The following HNF4A variants were observed in gnomAD, a reference collection of about 807,000 sequenced individuals.
HNF4A encodes the protein hepatocyte nuclear factor 4-alpha.
A neutral mutation model predicts 52.4 loss-of-function variants in HNF4A; 15 were observed. The observed-to-expected ratio is 0.29, with a 90% CI of 0.19 to 0.44. HNF4A has a LOEUF of 0.44. Among genes scored for constraint, HNF4A ranks in the 20% least tolerant of loss-of-function variants. The pLI is 1.00. For missense variants in HNF4A, 479 were observed against 647.2 expected (o/e 0.74, Z 2.82); for synonymous variants, 280 against 264.4 (o/e 1.06, Z -0.57).
At position 44,429,765 on chromosome 20, in the gene HNF4A, A is replaced by G. The variant is rs2063856694; in HGVS notation, c.*100A>G. On this transcript the variant is annotated 3_prime_UTR_variant, in exon 10 of 10. Transcript: ENST00000316099. Reference sequence around the variant, plus strand: ...CGGCAAAGGAAGACGTGATGCCAGGACCAGTCCCAGAGCAGGAATGGGAAG... The same window carrying G: ...CGGCAAAGGAAGACGTGATGCCAGGGCCAGTCCCAGAGCAGGAATGGGAAG... 1 of 1,258,862 alleles carries G rather than the reference A, an allele frequency of 7.9e-7. No homozygotes were observed. Among genetic ancestry groups the G allele is most frequent in the South Asian group, 1.2e-5 (1 of 80,652 alleles). 78.0% of individuals were successfully genotyped at this position (1,258,862 alleles called of 1,614,324 possible). A position where few individuals can be genotyped will look rare whatever the true frequency, so the allele number is the denominator to read the frequency against.
intron 1 of HNF4A, among the ~76,000 whole-genome samples, chr20:44,404,642 T>C (rs889933315): frequency 5.9e-5 from 9 of 151,526 alleles, no homozygotes; most frequent in African/African-American, 1.5e-4. Flanking sequence ...TGCAAGTGTG[T>C]GCAATGTATG....
intron 3 of HNF4A, among the ~76,000 whole-genome samples, chr20:44,411,480 G>A (rs938421345): frequency 1.4e-4 from 21 of 147,278 alleles, no homozygotes; most frequent in African/African-American, 4.9e-4. Flanking sequence ...GCCACTCGGC[G>A]CCCTGATGGG....
chr20:44,412,835 G>A (rs1044366182), intron 3 of HNF4A, among the ~76,000 whole-genome samples: 2 of 152,154 alleles, frequency 1.3e-5, no homozygotes, highest in Admixed American at 1.3e-4. Flanking sequence ...GGAGCCGGCT[G>A]GCAGGGAAAT....
intron 1 of HNF4A, among the ~76,000 whole-genome samples, chr20:44,378,930 A>AAAG (rs2063119045): frequency 1.3e-5 from 2 of 151,270 alleles, no homozygotes; most frequent in African/African-American, 2.4e-5. Context: ...AAAAAAAAAA[A>AAAG]AAAAGAAAAG....
intron 1 of HNF4A, among the ~76,000 whole-genome samples, chr20:44,387,904 G>A (rs1431754422): frequency 6.6e-6 from 1 of 152,114 alleles, no homozygotes; most frequent in African/African-American, 2.4e-5. Context: ...TGACTTGCAA[G>A]ATGTTGGCTT....
At chr20:44,402,514 G>A in intron 1 of HNF4A, 1 of 1,307,038 alleles carries the variant, frequency 7.7e-7, no homozygotes, top group Non-Finnish European at 1.0e-6. Flanking sequence ...CTCACCAAGT[G>A]AGATTCATAT....
At chr20:44,381,669 G>A (rs954970530) in intron 1 of HNF4A, among the ~76,000 whole-genome samples, 7 of 152,108 alleles carry the variant, frequency 4.6e-5, no homozygotes, top group African/African-American at 9.7e-5. Flanking sequence ...GGCGTGCAGC[G>A]GCACGATCTC....
chr20:44,361,806 T>C (rs922135948), intron 1 of HNF4A, among the ~76,000 whole-genome samples: 1 of 152,008 alleles, frequency 6.6e-6, no homozygotes, highest in African/African-American at 2.4e-5. Context: ...CAGAGTGCCA[T>C]GATAAGGACA....
intron 1 of HNF4A, among the ~76,000 whole-genome samples, chr20:44,362,379 C>T (rs926527153): frequency 2.8e-5 from 4 of 143,832 alleles, no homozygotes; most frequent in Admixed American, 2.1e-4. Context: ...GAGGTTGTAC[C>T]ACTGCACTCC....
Position 44,368,141 on chromosome 20 carries a change from C to CATATATATAT in HNF4A, c.49+12299_49+12308dup, listed in dbSNP as rs756822197. On this transcript the variant is annotated intron_variant, in intron 1 of 9. Coordinates refer to the HNF4A transcript ENST00000316673. ...ATATATGTGTGTGTGTGTGTATATACATATATATATATATATATATTTTTT... is the reference window on the plus strand; with the variant it reads ...ATATATGTGTGTGTGTGTGTATATACATATATATATATATATATATATATATATATTTTTT... Among the ~76,000 whole-genome samples, 117 of 12,866 alleles carry CATATATATAT rather than the reference C, an allele frequency of 9.1e-3. 4 individuals are homozygous for CATATATATAT. Among genetic ancestry groups the CATATATATAT allele is most frequent in the Non-Finnish European group, 0.011 (87 of 7,742 alleles). The allele number at this position is 12,866 out of a possible 152,430, so 8.4% of individuals were successfully genotyped here.
At chr20:44,394,801 TA>T (rs1907909165) in intron 1 of HNF4A, among the ~76,000 whole-genome samples, 1 of 152,178 alleles carries the variant, frequency 6.6e-6, no homozygotes, top group Non-Finnish European at 1.5e-5. Context: ...TTTTCAGGGT[TA>T]GGGGTGAGGA....
intron 1 of HNF4A, among the ~76,000 whole-genome samples, chr20:44,380,577 A>G (rs2063141471): frequency 6.6e-6 from 1 of 152,196 alleles, no homozygotes; most frequent in Non-Finnish European, 1.5e-5. Context: ...TACAGACTTG[A>G]GCCACTACAC....
intron 1 of HNF4A, among the ~76,000 whole-genome samples, chr20:44,369,445 A>AAAAT (rs1290764865): frequency 2.0e-5 from 3 of 151,854 alleles, no homozygotes; most frequent in Admixed American, 1.3e-4. Context: ...AAGAGAAAGG[A>AAAAT]AAATAAATAA....
At chr20:44,413,957 A>T (rs1203925718) in intron 4 of HNF4A, among the ~76,000 whole-genome samples, 157 bp downstream of exon 4, 1 of 152,200 alleles carries the variant, frequency 6.6e-6, no homozygotes, top group African/African-American at 2.4e-5. Flanking sequence ...CACATGGCCC[A>T]GTTTGCAGCA....
chr20:44,421,064 A>G (rs2063737734), intron 7 of HNF4A, among the ~76,000 whole-genome samples: 1 of 152,054 alleles, frequency 6.6e-6, no homozygotes, highest in South Asian at 2.1e-4. Flanking sequence ...CTCCATCACC[A>G]TTCCCATCTT....
At chr20:44,389,608 G>A (rs1343723575) in intron 1 of HNF4A, 1 of 152,236 alleles carries the variant, frequency 6.6e-6, no homozygotes, top group Non-Finnish European at 1.5e-5. Flanking sequence ...CTGAATAAAT[G>A]TTGACTGTTT....
intron 1 of HNF4A, among the ~76,000 whole-genome samples, chr20:44,396,019 G>A (rs118114236): frequency 4.6e-5 from 7 of 152,256 alleles, no homozygotes; most frequent in Non-Finnish European, 1.0e-4. Context: ...GAGTTCCCCT[G>A]CAAGACTGAG....
Position 44,429,896 on chromosome 20 carries a change from G to T in HNF4A, c.*231G>T. On this transcript the variant is annotated 3_prime_UTR_variant, in exon 10 of 10. Coordinates refer to ENST00000316099, the MANE Select transcript of HNF4A (RefSeq NM_000457.6). ...ACTTGGGGAGACCTCTACTGCCTTG[G>T]ACAACTTTTCTCATGTTGAAGCCAC... is the stretch of plus-strand genomic sequence containing the variant. 2 of 561,964 alleles carry T rather than the reference G, an allele frequency of 3.6e-6. No homozygotes were observed. Among genetic ancestry groups the T allele is most frequent in the Non-Finnish European group, 3.2e-6 (1 of 316,320 alleles). The allele number at this position is 561,964 out of a possible 1,614,324, so 34.8% of individuals were successfully genotyped here.
At position 44,432,344 on chromosome 20, in the gene HNF4A, C is replaced by CTTTTTTTTTTTTTT. The variant is rs11450239; in HGVS notation, c.*2690_*2703dup. ...ATGATATTAGAAAATCTCTCGCTCT[C>CTTTTTTTTTTTTTT]TTTTTTTTTTTTTTTTTTTTTTTTG... is the stretch of plus-strand genomic sequence containing the variant. On this transcript the variant is annotated 3_prime_UTR_variant, in exon 10 of 10. Transcript: ENST00000316099. 14 of 58,982 alleles carry CTTTTTTTTTTTTTT rather than the reference C, an allele frequency of 2.4e-4. No individual in the cohort carries two copies. The highest frequency in any genetic ancestry group is 3.3e-4 in the Non-Finnish European group (11 of 33,114). 3.7% of individuals were successfully genotyped at this position (58,982 alleles called of 1,614,324 possible).
Sources: allele counts gnomAD v4.1 joint callset (sites outside exome capture counted in the v4.1 genomes callset), GRCh38; gene constraint gnomAD v4.1.1; transcripts MANE v1.5; gene names NCBI Gene and HGNC (gene_info 2026-07-23, HGNC 2026-07-21).